TNFRSF21: variants seen among roughly 807,000 people sequenced by gnomAD.
The protein encoded by TNFRSF21 is TNF receptor superfamily member 21, also known as tumor necrosis factor receptor superfamily member 21.
TNFRSF21 carries 19 observed loss-of-function variants against 45.6 expected under a neutral mutation model. The ratio of observed to expected loss-of-function variants is 0.42; its 90% confidence interval spans 0.29 to 0.61. The LOEUF is 0.61. Ranked by LOEUF, TNFRSF21 falls within the 20% of genes least tolerant of loss-of-function variation. The pLI, the probability that TNFRSF21 is intolerant of heterozygous loss-of-function variation, is 0.23. For synonymous variants in TNFRSF21, 314 were observed against 335.5 expected (o/e 0.94, Z 0.70); for missense variants, 737 against 851.5 (o/e 0.87, Z 1.67).
In TNFRSF21 at chr6:47,258,931, G is replaced by C. The variant is rs191160972; in HGVS notation, c.1244-5410C>G. ...CAACACCACAAATGAATGTGGCTGT[G>C]TTCTAATAAAACTCGACTTACAAAA... is the stretch of plus-strand genomic sequence containing the variant. On this transcript the variant is annotated intron_variant, in intron 3 of 5. Transcript: ENST00000296861. 5.6e-4 allele frequency among the ~76,000 whole-genome samples: 86 copies of C among 152,290 alleles called. 1 individual carries two copies. The South Asian group carries it at 9.1e-3, about 16-fold the overall frequency.
chr6:47,244,351 G>A lies in TNFRSF21; in HGVS notation c.1509+8905C>T, dbSNP rs999215654. Among the ~76,000 whole-genome samples, 20 of 147,584 alleles carry A rather than the reference G, an allele frequency of 1.4e-4. No individual in the cohort carries two copies. The Admixed American group carries it at 1.4e-3, about 10-fold the overall frequency. On this transcript the variant is annotated intron_variant, in intron 4 of 5. Coordinates refer to ENST00000296861, the MANE Select transcript of TNFRSF21 (RefSeq NM_014452.5). ...AAAAAAAAAAAAAAAAAAGGCTTCA[G>A]TATTTCCTTCTCTGTGAACTGTCTT...
In TNFRSF21 at chr6:47,234,887, G is replaced by A. The variant is rs375004849; in HGVS notation, c.1521C>T (p.Asp507=). 24 of 1,375,178 alleles carry A rather than the reference G, an allele frequency of 1.7e-5. No homozygotes were observed. Among genetic ancestry groups the A allele is most frequent in the Non-Finnish European group, 2.2e-5 (23 of 1,063,344 alleles). The allele number at this position is 1,375,178 out of a possible 1,614,324, so 85.2% of individuals were successfully genotyped here. Residue 507 remains aspartate, a synonymous_variant, in exon 5 of 6, where the codon GAC becomes GAT. Transcript: ENST00000296861. ...TGGGGCTCATCGGGAGAGCTAGTTT[G>A]TCAGTTTCCAGCTGTAGGAGGGAAA... ...LMEDTTQLET[D]KLALPMSPSP... is the part of the protein sequence containing the mutation.
At chr6:47,280,994 A>G (rs1368129750) in intron 3 of TNFRSF21, among the ~76,000 whole-genome samples, 1 of 152,218 alleles carries the variant, frequency 6.6e-6, no homozygotes, top group Non-Finnish European at 1.5e-5. Context: ...GCAACAGAAC[A>G]AATATCCTGA....
At chr6:47,238,325 A>C (rs1561937319) in intron 4 of TNFRSF21, among the ~76,000 whole-genome samples, 1 of 152,248 alleles carries the variant, frequency 6.6e-6, no homozygotes, top group Non-Finnish European at 1.5e-5. Context: ...GATATTAAGA[A>C]AACGTGGCCT....
intron 3 of TNFRSF21, among the ~76,000 whole-genome samples, chr6:47,278,326 A>T (rs1378903544): frequency 6.6e-6 from 1 of 152,198 alleles, no homozygotes; most frequent in African/African-American, 2.4e-5. Flanking sequence ...GCATATGTAG[A>T]TTACTTAGTT....
rs535474127 is a variant in TNFRSF21, at chr6:47,272,731, GT to G, written c.1243+11206del. ...AAAAAATCAATGAATCCAGGAGCTG[GT>G]TTTTTGAGAAGATCAATAAAATTGG... On this transcript the variant is annotated intron_variant, in intron 3 of 5. Coordinates refer to ENST00000296861, the MANE Select transcript of TNFRSF21 (RefSeq NM_014452.5). Among the ~76,000 whole-genome samples the G allele has an allele frequency of 5.3e-4, 80 of 152,116 alleles. 1 individual carries two copies. The highest frequency in any genetic ancestry group is 1.0e-3 in the Non-Finnish European group (71 of 68,014).
chr6:47,279,944 A>G (rs1417711304), intron 3 of TNFRSF21, among the ~76,000 whole-genome samples: 1 of 152,216 alleles, frequency 6.6e-6, no homozygotes, highest in Non-Finnish European at 1.5e-5. Flanking sequence ...TCCATCTCCT[A>G]GCCATGCGAG....
chr6:47,236,719 A>G (rs532820372), intron 4 of TNFRSF21, among the ~76,000 whole-genome samples: 6 of 152,334 alleles, frequency 3.9e-5, no homozygotes, highest in South Asian at 2.1e-4. Context: ...TTAATTCCAT[A>G]GGCCCTGGCG....
At chr6:47,261,430 G>C (rs1175648936) in intron 3 of TNFRSF21, among the ~76,000 whole-genome samples, 1 of 152,144 alleles carries the variant, frequency 6.6e-6, no homozygotes, top group African/African-American at 2.4e-5. Context: ...CTGCCCTCTT[G>C]ACTGACCCTC....
At chr6:47,301,135 T>C (rs1375789611) in intron 1 of TNFRSF21, among the ~76,000 whole-genome samples, 4 of 152,250 alleles carry the variant, frequency 2.6e-5, no homozygotes, top group South Asian at 2.1e-4. Context: ...CCTTCAGTTG[T>C]TGTTCAAAGT....
intron 3 of TNFRSF21, among the ~76,000 whole-genome samples, chr6:47,264,126 G>C (rs569095105): frequency 6.1e-4 from 92 of 151,924 alleles, no homozygotes; most frequent in African/African-American, 2.1e-3. Flanking sequence ...TTTCCTATTT[G>C]TATTTGAGTC....
At position 47,304,294 on chromosome 6, in the gene TNFRSF21, C is replaced by CA. The variant is rs5876021; in HGVS notation, c.96+5121dup. The stretch of plus-strand genomic sequence containing the variant: ...TCATTTCGTGTCACCAAAAAAAAAC[C>CA]AAAAAAAAAAAAAAGATGTTTATTT... On this transcript the variant is annotated intron_variant, in intron 1 of 5. Coordinates refer to ENST00000296861, the MANE Select transcript of TNFRSF21 (RefSeq NM_014452.5). Among the ~76,000 whole-genome samples the CA allele has an allele frequency of 2.4e-3, 345 of 142,428 alleles. 1 individual carries two copies. Among genetic ancestry groups the CA allele is most frequent in the African/African-American group, 7.0e-3 (271 of 38,940 alleles). 93.4% of individuals were successfully genotyped at this position (142,428 alleles called of 152,430 possible).
chr6:47,278,072 T>C (rs1307061575), intron 3 of TNFRSF21, among the ~76,000 whole-genome samples: 1 of 152,216 alleles, frequency 6.6e-6, no homozygotes, highest in Non-Finnish European at 1.5e-5. Flanking sequence ...GTGTTTCACT[T>C]TGAAATAAGC....
At chr6:47,306,413 C>A (rs1165197796) in intron 1 of TNFRSF21, among the ~76,000 whole-genome samples, 2 of 152,172 alleles carry the variant, frequency 1.3e-5, no homozygotes, top group Non-Finnish European at 2.9e-5. Flanking sequence ...AGCTGAAGAG[C>A]CAGGCAGTCC....
intron 4 of TNFRSF21, among the ~76,000 whole-genome samples, chr6:47,247,413 G>A (rs56689880): frequency 6.6e-6 from 1 of 152,176 alleles, no homozygotes; most frequent in Non-Finnish European, 1.5e-5. Context: ...TCAGGTCTTA[G>A]GACAAGATCC....
chr6:47,236,813 T>C (rs140240349), intron 4 of TNFRSF21, among the ~76,000 whole-genome samples: 1 of 152,318 alleles, frequency 6.6e-6, no homozygotes, highest in East Asian at 1.9e-4. Flanking sequence ...AGAACACTTG[T>C]CTACATCCTG....
intron 1 of TNFRSF21, among the ~76,000 whole-genome samples, chr6:47,295,698 A>G (rs1762781378): frequency 6.6e-6 from 1 of 152,224 alleles, no homozygotes; most frequent in Non-Finnish European, 1.5e-5. Context: ...GGAAAAAGGA[A>G]TGCACAAAGA....
chr6:47,283,144 G>A (rs540518194), intron 3 of TNFRSF21, among the ~76,000 whole-genome samples: 1 of 152,248 alleles, frequency 6.6e-6, no homozygotes, highest in South Asian at 2.1e-4. Context: ...GTTTCATTTA[G>A]GATTTAAAGA....
intron 4 of TNFRSF21, among the ~76,000 whole-genome samples, chr6:47,248,312 G>A (rs538056347): frequency 1.3e-5 from 2 of 152,162 alleles, no homozygotes; most frequent in South Asian, 4.2e-4. Context: ...GTGAAGGGCA[G>A]GTTCTGTAAT....
Sources: gnomAD v4.1 joint callset for allele counts (sites outside exome capture counted in the v4.1 genomes callset) on GRCh38, gnomAD v4.1.1 for gene constraint, MANE v1.5 for transcripts, NCBI Gene and HGNC (gene_info 2026-07-23, HGNC 2026-07-21) for gene names.